LDLRAD4: variants seen among roughly 807,000 people sequenced by gnomAD.
LDLRAD4 encodes low density lipoprotein receptor class A domain containing 4, also known as low-density lipoprotein receptor class A domain-containing protein 4.
Under a neutral mutation model 17.0 loss-of-function variants are expected in LDLRAD4, and 5 were observed. The observed-to-expected ratio is 0.29, with a 90% CI of 0.15 to 0.62. The LOEUF (loss-of-function observed/expected upper bound fraction) is 0.62, where lower values mean the gene tolerates loss of function less well. Ranked by LOEUF, LDLRAD4 falls within the 20% of genes least tolerant of loss-of-function variation. The pLI, the probability that LDLRAD4 is intolerant of heterozygous loss-of-function variation, is 0.84. For synonymous variants in LDLRAD4, 168 were observed against 171.8 expected (o/e 0.98, Z 0.17); for missense variants, 340 against 424.7 (o/e 0.80, Z 1.75).
intron 1 of LDLRAD4, among the ~76,000 whole-genome samples, chr18:13,371,516 C>T (rs1004791610): frequency 6.6e-6 from 1 of 152,210 alleles, no homozygotes. Flanking sequence ...AACCTGTAAT[C>T]CCAGCACTTT....
At chr18:13,570,518 A>G (rs1039323742) in intron 3 of LDLRAD4, among the ~76,000 whole-genome samples, 1 of 152,212 alleles carries the variant, frequency 6.6e-6, no homozygotes, top group Non-Finnish European at 1.5e-5. Context: ...TGGAAGCAGC[A>G]TGGTCTCAGC....
At chr18:13,265,881 C>A (rs1285974264) in intron 1 of LDLRAD4, among the ~76,000 whole-genome samples, 4 of 152,198 alleles carry the variant, frequency 2.6e-5, no homozygotes, top group African/African-American at 7.2e-5. Context: ...CTCCTGAGGT[C>A]TTTGCCCTCC....
chr18:13,545,816 C>G (rs2094353923), intron 3 of LDLRAD4, among the ~76,000 whole-genome samples: 1 of 152,154 alleles, frequency 6.6e-6, no homozygotes, highest in Admixed American at 6.5e-5. Context: ...AACATGTAAC[C>G]ACAGCTCAAA....
At chr18:13,501,243 A>T (rs1475473077) in intron 3 of LDLRAD4, 1 of 147,932 alleles carries the variant, frequency 6.8e-6, no homozygotes, top group Non-Finnish European at 1.5e-5. Context: ...GAGTATTAAT[A>T]TTAATGAGCA....
rs923599911 is a variant in LDLRAD4, at chr18:13,489,550, C to T, written c.181+51166C>T. The stretch of plus-strand genomic sequence containing the variant: ...GCGTCAGTGAGCAGATAATGAGGTC[C>T]GAGGTGAGACCTAGCTCAAATCCAG... On this transcript the variant is annotated intron_variant, in intron 3 of 5. Coordinates refer to ENST00000359446, the Ensembl canonical transcript of LDLRAD4. 3.9e-5 allele frequency: 6 copies of T among 152,322 alleles called. No homozygotes were observed. In the South Asian group the frequency reaches 1.2e-3, roughly 32 times the overall value. The allele number at this position is 152,322 out of a possible 1,614,324, so 9.4% of individuals were successfully genotyped here.
intron 3 of LDLRAD4, chr18:13,472,671 G>A (rs373044986): frequency 1.3e-5 from 2 of 152,188 alleles, no homozygotes; most frequent in African/African-American, 4.8e-5. Flanking sequence ...GAAAGGTTAC[G>A]GAGAGACAGT....
At chr18:13,324,788 A>G (rs1278171454) in intron 1 of LDLRAD4, among the ~76,000 whole-genome samples, 1 of 152,208 alleles carries the variant, frequency 6.6e-6, no homozygotes, top group Non-Finnish European at 1.5e-5. Flanking sequence ...AAGGGTTTCG[A>G]CAACTTCATT....
chr18:13,323,641 A>G (rs1045115065), intron 1 of LDLRAD4, among the ~76,000 whole-genome samples: 1 of 152,184 alleles, frequency 6.6e-6, no homozygotes, highest in East Asian at 1.9e-4. Context: ...GGAAATTATG[A>G]CAGATGTGCG....
chr18:13,273,888 T>C (rs1263505326), upstream of LDLRAD4, among the ~76,000 whole-genome samples: 2 of 152,200 alleles, frequency 1.3e-5, no homozygotes, highest in African/African-American at 4.8e-5. Flanking sequence ...CTTGCTCTGC[T>C]TCTTAGGGGC....
chr18:13,623,918 G>A (rs564629467), intron 4 of LDLRAD4, among the ~76,000 whole-genome samples: 3 of 152,118 alleles, frequency 2.0e-5, no homozygotes, highest in African/African-American at 7.2e-5. Context: ...TTAGGGGAGC[G>A]ATCTGATTCA....
chr18:13,233,690 T>C (rs887701297), intron 1 of LDLRAD4, among the ~76,000 whole-genome samples: 2 of 152,108 alleles, frequency 1.3e-5, no homozygotes, highest in African/African-American at 4.8e-5. Context: ...GCCTAGAACC[T>C]TATACTCACA....
intron 3 of LDLRAD4, among the ~76,000 whole-genome samples, chr18:13,494,713 TA>T (rs2093429735): frequency 1.3e-4 from 4 of 30,858 alleles, no homozygotes; most frequent in African/African-American, 4.2e-4. Flanking sequence ...TCAGTGTATA[TA>T]TACACATACA....
At chr18:13,242,378 G>A (rs1598852853) in intron 1 of LDLRAD4, among the ~76,000 whole-genome samples, 1 of 152,290 alleles carries the variant, frequency 6.6e-6, no homozygotes, top group Admixed American at 6.5e-5. Flanking sequence ...TTGGTTTCAG[G>A]CCTGGAGCTG....
intron 1 of LDLRAD4, among the ~76,000 whole-genome samples, chr18:13,311,703 G>A (rs1327565973): frequency 1.3e-5 from 2 of 152,218 alleles, no homozygotes; most frequent in African/African-American, 4.8e-5. Context: ...AAAGGCCTGA[G>A]TCCGGAAAGG....
chr18:13,409,260 G>A (rs994753862), intron 2 of LDLRAD4, among the ~76,000 whole-genome samples: 1 of 152,206 alleles, frequency 6.6e-6, no homozygotes, highest in Admixed American at 6.5e-5. Context: ...TGATTGAGGA[G>A]GGCCTGGAAG....
rs75603913 is a variant in LDLRAD4, at chr18:13,370,573, C to T, written c.-382-16768C>T. On this transcript the variant is annotated intron_variant, in intron 1 of 5. Coordinates refer to ENST00000359446, the Ensembl canonical transcript of LDLRAD4. ...ACCATATAGTTTAATAAGGAGATGG[C>T]ACCCTTTCCGTTTCTTGCTGTGCGG... Among the ~76,000 whole-genome samples, 48 of 152,286 alleles carry T rather than the reference C, an allele frequency of 3.2e-4. No individual in the cohort carries two copies. In the East Asian group the frequency reaches 8.7e-3, roughly 28 times the overall value.
At chr18:13,252,946 T>C (rs142481486) in intron 1 of LDLRAD4, among the ~76,000 whole-genome samples, 221 of 152,340 alleles carry the variant, frequency 1.5e-3, no homozygotes, top group Admixed American at 6.9e-3. Context: ...CCACTAGCTG[T>C]ACCACGAGGC....
At chr18:13,585,880 C>T (rs1445132038) in intron 3 of LDLRAD4, among the ~76,000 whole-genome samples, 1 of 152,128 alleles carries the variant, frequency 6.6e-6, no homozygotes, top group Non-Finnish European at 1.5e-5. Context: ...AATAGGAGAA[C>T]TGAAAGTTAG....
chr18:13,518,071 T>C (rs1332169554), intron 3 of LDLRAD4, among the ~76,000 whole-genome samples: 2 of 152,170 alleles, frequency 1.3e-5, no homozygotes, highest in Non-Finnish European at 2.9e-5. Context: ...CTGTTTGTTA[T>C]TTTGTGAGAT....
Sources: allele counts gnomAD v4.1 joint callset (sites outside exome capture counted in the v4.1 genomes callset), GRCh38; gene constraint gnomAD v4.1.1; transcripts MANE v1.5; gene names NCBI Gene and HGNC (gene_info 2026-07-23, HGNC 2026-07-21).